Variants in WSCD1 observed in about 807,000 individuals in gnomAD.
WSCD1 encodes the protein WSC domain sialate O sulfotransferase 1.
Under a neutral mutation model 60.4 loss-of-function variants are expected in WSCD1, and 41 were observed. The observed-to-expected ratio is 0.68, with a 90% CI of 0.53 to 0.88. The LOEUF (loss-of-function observed/expected upper bound fraction) is 0.88, where lower values mean the gene tolerates loss of function less well. Ranked by LOEUF, WSCD1 falls within the 40% of genes least tolerant of loss-of-function variation. The probability of loss-of-function intolerance (pLI) is 0.00; values close to 1 mark genes in which losing one functional copy is unlikely to be tolerated. For synonymous variants in WSCD1, 361 were observed against 332.5 expected, an observed-to-expected ratio of 1.09 and a Z score of -0.93; for missense variants, 784 against 796.2, an observed-to-expected ratio of 0.98 and a Z score of 0.18.
intron 1 of WSCD1, 50 bp downstream of exon 1, chr17:6,070,702 G>A (rs1407119992): frequency 6.6e-6 from 1 of 151,290 alleles, no homozygotes; most frequent in Non-Finnish European, 1.5e-5. Flanking sequence ...CGGGCTGCGA[G>A]CAGGGTGTTC....
At position 6,109,662 on chromosome 17, in the gene WSCD1, C is replaced by A. The variant is rs748765845; in HGVS notation, c.905C>A (p.Pro302His). 1.2e-6 allele frequency: 2 copies of A among 1,614,098 alleles called. No individual in the cohort carries two copies. The highest frequency in any genetic ancestry group is 1.7e-6 in the Non-Finnish European group (2 of 1,180,048). Reference protein sequence around the residue: ...GWECYCAYPTPRFNLRDAMDS... With the variant: ...GWECYCAYPTHRFNLRDAMDS... ...GAATGCTACTGTGCTTACCCTACCC[C>A]CCGGTTCAACCTGCGGGATGCCATG... Residue 302 changes from proline (P) to histidine (H), a missense_variant, in exon 6 of 9, where the codon CCC (proline) becomes CAC (histidine). Coordinates refer to ENST00000317744, the MANE Select transcript of WSCD1 (RefSeq NM_015253.2).
In WSCD1 at chr17:6,120,472, C is replaced by T. The variant is rs16955477; in HGVS notation, c.1539C>T (p.Ser513=). 60,996 of 1,614,010 alleles carry T rather than the reference C, an allele frequency of 0.038. 1,395 individuals are homozygous for T. The highest frequency in any genetic ancestry group is 0.042 in the Non-Finnish European group (49,322 of 1,180,008). ...EMVAFLNVSV[S]EERLLCVENN... Reference sequence around the variant, plus strand: ...TGGCCTTCCTCAACGTGTCTGTGAGCGAGGAGCGGCTGCTCTGCGTGGAGA... The same window carrying T: ...TGGCCTTCCTCAACGTGTCTGTGAGTGAGGAGCGGCTGCTCTGCGTGGAGA... Residue 513 remains serine, a synonymous_variant, in exon 9 of 9, where the codon AGC becomes AGT. Transcript: ENST00000317744.
At position 6,110,905 on chromosome 17, in the gene WSCD1, T is replaced by C. The variant is rs778110894; in HGVS notation, c.1144T>C (p.Tyr382His). Residue 382 changes from tyrosine (Y) to histidine (H), a missense_variant, in exon 7 of 9, where the codon TAC becomes CAC. Coordinates refer to ENST00000317744, the MANE Select transcript of WSCD1 (RefSeq NM_015253.2). This position sits in a 1 kb window ranked among gnomAD's most constrained non-coding sequence, Gnocchi z 4.8. ...TGCCACTGGCTTCTATACAGGGAGC[T>C]ACTACTTTGATGGAACCCTCTACAA... is the stretch of plus-strand genomic sequence containing the variant. ...EHATGFYTGS[Y>H]YFDGTLYNKG... is the part of the protein sequence containing the mutation. 9.9e-6 allele frequency: 16 copies of C among 1,610,886 alleles called. No homozygotes were observed. Among genetic ancestry groups the C allele is most frequent in the Non-Finnish European group, 1.4e-5 (16 of 1,177,520 alleles).
intron 8 of WSCD1, among the ~76,000 whole-genome samples, 200 bp from the exon 9 acceptor site, chr17:6,120,109 A>AT (rs1270950424): frequency 6.6e-6 from 1 of 152,218 alleles, no homozygotes; most frequent in Non-Finnish European, 1.5e-5. Flanking sequence ...TCCCACCAGG[A>AT]TGCCCAGAGC....
intron 1 of WSCD1, among the ~76,000 whole-genome samples, chr17:6,078,736 T>C (rs1909030140): frequency 6.6e-6 from 1 of 152,090 alleles, no homozygotes; most frequent in Non-Finnish European, 1.5e-5. Flanking sequence ...CAGGGGGCTA[T>C]TGAACGGGGT....
Position 6,081,040 on chromosome 17 carries a change from C to T in WSCD1, c.382C>T (p.Pro128Ser). The T allele has an allele frequency of 6.5e-7, 1 of 1,542,120 alleles. No individual in the cohort carries two copies. The highest frequency in any genetic ancestry group is 1.4e-5 in the African/African-American group (1 of 73,120). Residue 128 changes from proline (P) to serine (S), a missense_variant, in exon 2 of 9, where the codon CCC becomes TCC. By Grantham distance (74) the Pro-to-Ser change is moderately conservative. Transcript: ENST00000317744. ...HHFMSDSQGP[P>S]ALGPEAARPA... Reference sequence around the variant, plus strand: ...CTTCATGAGTGACTCCCAGGGACCGCCCGCCCTGGGCCCCGAGGCTGCCAG... The same window carrying T: ...CTTCATGAGTGACTCCCAGGGACCGTCCGCCCTGGGCCCCGAGGCTGCCAG...
chr17:6,093,410 G>A (rs781336284), intron 4 of WSCD1, among the ~76,000 whole-genome samples: 2 of 152,226 alleles, frequency 1.3e-5, no homozygotes, highest in Non-Finnish European at 2.9e-5. Flanking sequence ...CCCCCCAGGA[G>A]CTGTGTTCTG....
chr17:6,099,621 C>T (rs117525214), intron 5 of WSCD1, among the ~76,000 whole-genome samples: 2,848 of 152,222 alleles, frequency 0.019, 42 homozygotes, highest in Non-Finnish European at 0.025. Flanking sequence ...CTCCAGATAA[C>T]ACCATGTGTT....
rs1911346134 is a variant in WSCD1 at position 6,110,450 on chromosome 17, G to A, written c.1010-321G>A. Among the ~76,000 whole-genome samples the A allele has an allele frequency of 1.3e-5, 2 of 152,150 alleles. No individual in the cohort carries two copies. Among genetic ancestry groups the A allele is most frequent in the African/African-American group, 2.4e-5 (1 of 41,422 alleles). On this transcript the variant is annotated intron_variant, in intron 6 of 8. Coordinates refer to ENST00000317744, the MANE Select transcript of WSCD1 (RefSeq NM_015253.2). The surrounding 1 kb of genome is among the most constrained non-coding windows in gnomAD (Gnocchi z 4.8). ...CCACCCACTTCCCCTATTAGAATCT[G>A]GAATTATCTGTGCTATGTCAGGAGC... is the stretch of plus-strand genomic sequence containing the variant.
chr17:6,105,101 C>T (rs2150560913), intron 5 of WSCD1, among the ~76,000 whole-genome samples: 1 of 152,308 alleles, frequency 6.6e-6, no homozygotes, highest in African/African-American at 2.4e-5. Context: ...ACCAAGCCTC[C>T]CGCATGTGGA....
Position 6,086,184 on chromosome 17 carries a change from T to C in WSCD1, c.428-1806T>C, listed in dbSNP as rs1038150373. ...TCCTGCCATCTCGCTTGTTCTCCTC[T>C]GCTTTGCCTTAACCTGGGGCCCTGG... is the stretch of plus-strand genomic sequence containing the variant. On this transcript the variant is annotated intron_variant, in intron 2 of 8. Coordinates refer to ENST00000317744, the MANE Select transcript of WSCD1 (RefSeq NM_015253.2). Among the ~76,000 whole-genome samples, 3 of 149,322 alleles carry C rather than the reference T, an allele frequency of 2.0e-5. No homozygotes were observed. In the East Asian group the frequency reaches 5.9e-4, roughly 29 times the overall value.
Position 6,101,550 on chromosome 17 carries a change from T to A in WSCD1, c.849+6327T>A, listed in dbSNP as rs1465870290. On this transcript the variant is annotated intron_variant, in intron 5 of 8. Transcript: ENST00000317744. This position sits in a 1 kb window ranked among gnomAD's most constrained non-coding sequence, Gnocchi z 4.1. ...GTTTTTGCTAGTTCGCGAAAATGGA[T>A]TTGGGGAGATCCAAGAGTGTAGTTT... Among the ~76,000 whole-genome samples the A allele has an allele frequency of 6.6e-6, 1 of 152,178 alleles. No homozygotes were observed. Among genetic ancestry groups the A allele is most frequent in the Non-Finnish European group, 1.5e-5 (1 of 68,028 alleles).
Position 6,117,980 on chromosome 17 carries a change from C to T in WSCD1, c.1175-8C>T. ...CTTCCACAGAGACCCTCTCATTTTT[C>T]CCTGCAGGGTTCAAGGGCGAAAAGG... is the stretch of plus-strand genomic sequence containing the variant. On this transcript the variant is annotated splice_polypyrimidine_tract_variant and splice_region_variant and intron_variant, in intron 7 of 8. Coordinates refer to ENST00000317744, the MANE Select transcript of WSCD1 (RefSeq NM_015253.2). 6.2e-7 allele frequency: 1 copy of T among 1,612,870 alleles called. No individual in the cohort carries two copies. Among genetic ancestry groups the T allele is most frequent in the Non-Finnish European group, 8.5e-7 (1 of 1,179,892 alleles).
rs1910781926 is a variant in WSCD1, at chr17:6,101,259, A to G, written c.849+6036A>G. Among the ~76,000 whole-genome samples the G allele has an allele frequency of 6.6e-6, 1 of 152,210 alleles. No individual in the cohort carries two copies. Among genetic ancestry groups the G allele is most frequent in the Non-Finnish European group, 1.5e-5 (1 of 68,042 alleles). ...AATGGTTAAATTATGCCACGGCCAT[A>G]CAGTGGACTATAATACAACCATTGA... is the stretch of plus-strand genomic sequence containing the variant. On this transcript the variant is annotated intron_variant, in intron 5 of 8. Transcript: ENST00000317744. This position sits in a 1 kb window ranked among gnomAD's most constrained non-coding sequence, Gnocchi z 4.1.
chr17:6,081,030 C>G lies in WSCD1; in HGVS notation c.372C>G (p.Ser124=), dbSNP rs1909230571. 1.3e-6 allele frequency: 2 copies of G among 1,543,028 alleles called. No individual in the cohort carries two copies. Among genetic ancestry groups the G allele is most frequent in the African/African-American group, 1.4e-5 (1 of 73,160 alleles). The part of the protein sequence containing the change: ...RRWFHHFMSD[S]QGPPALGPEA... Reference sequence around the variant, plus strand: ...GGTTCCACCACTTCATGAGTGACTCCCAGGGACCGCCCGCCCTGGGCCCCG... The same window carrying G: ...GGTTCCACCACTTCATGAGTGACTCGCAGGGACCGCCCGCCCTGGGCCCCG... The change falls in exon 2 of 9, where the codon TCC becomes TCG. Residue 124 remains serine, a synonymous_variant. Transcript: ENST00000317744.
intron 2 of WSCD1, among the ~76,000 whole-genome samples, chr17:6,086,552 C>G (rs1012737730): frequency 1.3e-5 from 2 of 151,956 alleles, no homozygotes; most frequent in Non-Finnish European, 2.9e-5. Flanking sequence ...CGGGGTTTCA[C>G]CATGTTGACC....
At chr17:6,119,568 G>A (rs760161754) in intron 8 of WSCD1, among the ~76,000 whole-genome samples, 9 of 152,178 alleles carry the variant, frequency 5.9e-5, no homozygotes, top group Non-Finnish European at 1.0e-4. Flanking sequence ...GCCTCTGCCG[G>A]CCTCTAGTCT....
intron 5 of WSCD1, among the ~76,000 whole-genome samples, chr17:6,098,334 T>TCCTCTTCAAC (rs1372587349): frequency 3.9e-5 from 6 of 152,174 alleles, no homozygotes; most frequent in Non-Finnish European, 8.8e-5. Context: ...CTCTTCAACT[T>TCCTCTTCAAC]GTATTTTCAG....
chr17:6,088,529 A>T (rs1246450217), intron 3 of WSCD1, among the ~76,000 whole-genome samples: 2 of 152,206 alleles, frequency 1.3e-5, no homozygotes, highest in Admixed American at 6.5e-5. Flanking sequence ...CTCTGAGAGG[A>T]TCTTTCCAGC....
Sources: gnomAD v4.1 joint callset for allele counts (sites outside exome capture counted in the v4.1 genomes callset) on GRCh38, gnomAD v4.1.1 for gene constraint, Gnocchi (gnomAD v3.1) non-coding constraint, MANE v1.5 for transcripts, NCBI Gene and HGNC (gene_info 2026-07-23, HGNC 2026-07-21) for gene names.